LRBA: variants seen among roughly 807,000 people sequenced by gnomAD.
LRBA encodes lipopolysaccharide-responsive and beige-like anchor protein.
Under a neutral mutation model 330.0 loss-of-function variants are expected in LRBA, and 176 were observed. The ratio of observed to expected loss-of-function variants is 0.53; its 90% CI spans 0.47 to 0.60. The LOEUF is 0.60. Among genes scored for constraint, LRBA ranks in the 20% least tolerant of loss-of-function variants. The pLI, the probability that LRBA is intolerant of heterozygous loss-of-function variation, is 0.00. For missense variants in LRBA, 3,259 were observed against 3,444.8 expected (o/e 0.95, Z 1.35); for synonymous variants, 1,230 against 1,193.0 (o/e 1.03, Z -0.64).
intron 44 of LRBA, among the ~76,000 whole-genome samples, chr4:150,444,126 G>T (rs1003096458): frequency 1.3e-5 from 2 of 151,766 alleles, no homozygotes; most frequent in Non-Finnish European, 2.9e-5. Flanking sequence ...TTATCTTGGG[G>T]ACATCAAAAA....
At chr4:150,587,745 C>T (rs900418604) in intron 40 of LRBA, among the ~76,000 whole-genome samples, 1 of 151,992 alleles carries the variant, frequency 6.6e-6, no homozygotes, top group African/African-American at 2.4e-5. Flanking sequence ...TATCTTAATT[C>T]ACCCTTGACC....
At chr4:150,868,139 T>A in intron 21 of LRBA, 43 bp downstream of exon 21, 1 of 1,552,016 alleles carries the variant, frequency 6.4e-7, no homozygotes, top group Non-Finnish European at 8.7e-7. Context: ...TATACAAAAG[T>A]ACATTTGAAT....
chr4:151,000,335 G>A (rs1310686403), intron 2 of LRBA, among the ~76,000 whole-genome samples: 5 of 152,104 alleles, frequency 3.3e-5, no homozygotes, highest in African/African-American at 7.2e-5. Flanking sequence ...TAGAAGATTC[G>A]TACATACTGC....
intron 17 of LRBA, among the ~76,000 whole-genome samples, chr4:150,890,786 T>G (rs1729379651): frequency 6.6e-6 from 1 of 152,200 alleles, no homozygotes; most frequent in Non-Finnish European, 1.5e-5. Flanking sequence ...GAGATAAGAC[T>G]GTGAACCAAA....
At chr4:150,496,915 T>C (rs1163872421) in intron 40 of LRBA, among the ~76,000 whole-genome samples, 1 of 152,008 alleles carries the variant, frequency 6.6e-6, no homozygotes. Flanking sequence ...AATAACACAA[T>C]GGCTAAGAAA....
chr4:150,466,812 A>G (rs1203995737), intron 44 of LRBA, among the ~76,000 whole-genome samples: 2 of 152,158 alleles, frequency 1.3e-5, no homozygotes, highest in African/African-American at 2.4e-5. Flanking sequence ...AATTGGAGGA[A>G]TCAGTTTGAA....
chr4:150,827,572 AT>A (rs530971209), intron 30 of LRBA, among the ~76,000 whole-genome samples: 1 of 147,812 alleles, frequency 6.8e-6, no homozygotes, highest in South Asian at 2.2e-4. Context: ...ACAGTAATAT[AT>A]TTTTTTCTTC....
At chr4:150,945,237 T>C (rs953421052) in intron 2 of LRBA, among the ~76,000 whole-genome samples, 4 of 152,150 alleles carry the variant, frequency 2.6e-5, no homozygotes, top group Non-Finnish European at 5.9e-5. Flanking sequence ...TCTATAAAAT[T>C]ACGTATAGAA....
rs143020345 is a variant in LRBA, at chr4:150,931,475, T to C, written c.217-2410A>G. Among the ~76,000 whole-genome samples, 868 of 151,486 alleles carry C rather than the reference T, an allele frequency of 5.7e-3. 10 individuals carry two copies. The highest frequency in any genetic ancestry group is 0.02 in the African/African-American group (810 of 41,400). ...AACAAAGATCATTTCATCAAAAGGT[T>C]AGTGGCTGGGCATGGTGGTTCACAC... On this transcript the variant is annotated intron_variant, in intron 2 of 56. Coordinates refer to ENST00000651943, the MANE Select transcript of LRBA (RefSeq NM_001364905.1).
intron 52 of LRBA, among the ~76,000 whole-genome samples, chr4:150,303,977 T>C (rs1730027699): frequency 6.6e-6 from 1 of 152,352 alleles, no homozygotes; most frequent in East Asian, 1.9e-4. Context: ...ATTCCATCTT[T>C]AGAATTTCTA....
At chr4:150,330,294 T>C (rs544606105) in intron 48 of LRBA, among the ~76,000 whole-genome samples, 1 of 152,298 alleles carries the variant, frequency 6.6e-6, no homozygotes, top group Admixed American at 6.5e-5. Context: ...TACTCCTCTC[T>C]AGAAAACCCT....
At chr4:150,748,914 G>A (rs2126366509) in intron 35 of LRBA, among the ~76,000 whole-genome samples, 1 of 152,210 alleles carries the variant, frequency 6.6e-6, no homozygotes, top group Admixed American at 6.5e-5. Context: ...AAGACACAGT[G>A]CTCAAAGTGC....
chr4:150,296,666 T>TA (rs11366236), intron 53 of LRBA, among the ~76,000 whole-genome samples: 103 of 149,570 alleles, frequency 6.9e-4, no homozygotes, highest in East Asian at 3.7e-3. Flanking sequence ...TGTTGCTTCG[T>TA]AAAAAAAAAA....
intron 46 of LRBA, among the ~76,000 whole-genome samples, chr4:150,432,696 C>T (rs1391566964): frequency 6.6e-6 from 1 of 151,542 alleles, no homozygotes; most frequent in Non-Finnish European, 1.5e-5. Context: ...CCGCCCGCCT[C>T]GGCTTCTCAA....
In LRBA at chr4:150,828,236, A is replaced by G; in HGVS notation, c.5115T>C (p.Leu1705=). Residue 1705 remains leucine (L), a synonymous_variant, in exon 30 of 57, where the codon CTT becomes CTC. Coordinates refer to ENST00000651943, the MANE Select transcript of LRBA (RefSeq NM_001364905.1). ...CCACAGATAGATCACCAAGGGCTCC[A>G]AGGCAGGCTGGTGGCAGAAGGGCAG... The part of the protein sequence containing the change: ...VDPALLPPAC[L]GALGDLSVEQ... The G allele has an allele frequency of 6.2e-7, 1 of 1,614,150 alleles. No homozygotes were observed. The highest frequency in any genetic ancestry group is 1.1e-5 in the South Asian group (1 of 91,086).
At chr4:150,645,483 A>G (rs929076838) in intron 37 of LRBA, among the ~76,000 whole-genome samples, 2 of 152,008 alleles carry the variant, frequency 1.3e-5, no homozygotes, top group Non-Finnish European at 2.9e-5. Flanking sequence ...TGCAGCTAAT[A>G]CATTTTCCAG....
Position 150,828,220 on chromosome 4 carries a change from G to T in LRBA, c.5131C>A (p.Leu1711Ile). The change falls in exon 30 of 57, where the codon CTA becomes ATA. Residue 1711 changes from leucine to isoleucine, a missense_variant. Transcript: ENST00000651943. Reference protein sequence around the residue: ...PPACLGALGDLSVEQPVQFRS... With the variant: ...PPACLGALGDISVEQPVQFRS... ...AACTGCACGGGTTGTTCCACAGATA[G>T]ATCACCAAGGGCTCCAAGGCAGGCT... The T allele has an allele frequency of 1.2e-6, 2 of 1,614,066 alleles. No homozygotes were observed. Among genetic ancestry groups the T allele is most frequent in the Non-Finnish European group, 1.7e-6 (2 of 1,179,962 alleles).
chr4:150,399,016 A>C (rs1745125097), intron 47 of LRBA, among the ~76,000 whole-genome samples: 1 of 152,174 alleles, frequency 6.6e-6, no homozygotes, highest in Non-Finnish European at 1.5e-5. Context: ...TTAAATTGCA[A>C]AGAAAATATG....
At chr4:150,527,588 T>C (rs1388234494) in intron 40 of LRBA, among the ~76,000 whole-genome samples, 4 of 152,214 alleles carry the variant, frequency 2.6e-5, no homozygotes, top group Admixed American at 2.0e-4. Context: ...CTATGGGCTA[T>C]GTATATTAGG....
Sources: gnomAD v4.1 joint callset for allele counts (sites outside exome capture counted in the v4.1 genomes callset) on GRCh38, gnomAD v4.1.1 for gene constraint, MANE v1.5 for transcripts, NCBI Gene and HGNC (gene_info 2026-07-23, HGNC 2026-07-21) for gene names.